ATF1: variants seen among roughly 807,000 people sequenced by gnomAD.
ATF1 encodes the protein activating transcription factor 1.
ATF1 carries 16 observed loss-of-function variants against 34.7 expected under a neutral mutation model. That is an observed-to-expected ratio of 0.46 (90% CI 0.31 to 0.70). The LOEUF is 0.70. ATF1 is among the 30% of genes least tolerant of loss of function. The probability of loss-of-function intolerance (pLI) is 0.05; values close to 1 mark genes in which losing one functional copy is unlikely to be tolerated. For missense variants in ATF1, 255 were observed against 321.6 expected (o/e 0.79, Z 1.58); for synonymous variants, 105 against 113.1 (o/e 0.93, Z 0.46).
rs183218849 is a variant in ATF1 at position 50,773,156 on chromosome 12, C to T, written c.-6-6984C>T. On this transcript the variant is annotated intron_variant, in intron 1 of 6. Transcript: ENST00000262053. ...GATATATATGTACATGTTCTTTATC[C>T]AGTCTCTCATTGATGGGCATATGGG... is the stretch of plus-strand genomic sequence containing the variant. 1.9e-3 allele frequency among the ~76,000 whole-genome samples: 294 copies of T among 152,192 alleles called. 1 individual carries two copies. Among genetic ancestry groups the T allele is most frequent in the African/African-American group, 6.9e-3 (288 of 41,524 alleles).
intron 1 of ATF1, among the ~76,000 whole-genome samples, chr12:50,769,190 T>C (rs995783250): frequency 6.6e-6 from 1 of 152,146 alleles, no homozygotes; most frequent in African/African-American, 2.4e-5. Context: ...TGTGGGGTTT[T>C]TTGGCTAAAG....
At chr12:50,768,255 C>G (rs1029963020) in intron 1 of ATF1, among the ~76,000 whole-genome samples, 1 of 152,182 alleles carries the variant, frequency 6.6e-6, no homozygotes, top group African/African-American at 2.4e-5. Context: ...ATCTGCATGA[C>G]TTTGTCTATT....
chr12:50,769,399 G>A (rs968813063), intron 1 of ATF1, among the ~76,000 whole-genome samples: 5 of 151,936 alleles, frequency 3.3e-5, no homozygotes, highest in South Asian at 2.1e-4. Context: ...ACAGCTACTC[G>A]AGGCTGAGGC....
At chr12:50,809,736 C>T in intron 4 of ATF1, 147 bp downstream of exon 4, 1 of 906,994 alleles carries the variant, frequency 1.1e-6, no homozygotes, top group East Asian at 2.7e-5. Context: ...AGTACTGTTT[C>T]AGCATTATTT....
intron 2 of ATF1, 56 bp from the exon 3 acceptor site, chr12:50,795,853 A>C (rs1314321695): frequency 2.2e-6 from 3 of 1,350,842 alleles, no homozygotes; most frequent in African/African-American, 1.5e-5. Flanking sequence ...GTAAAAATTC[A>C]GTTGTTTCTT....
At chr12:50,795,484 A>G (rs1941390659) in intron 2 of ATF1, among the ~76,000 whole-genome samples, 1 of 152,346 alleles carries the variant, frequency 6.6e-6, no homozygotes, top group Admixed American at 6.5e-5. Flanking sequence ...ACAGGCTTGT[A>G]TATTTAATAT....
chr12:50,778,766 T>G (rs1035605288), intron 1 of ATF1, among the ~76,000 whole-genome samples: 3 of 152,242 alleles, frequency 2.0e-5, no homozygotes, highest in Admixed American at 6.5e-5. Flanking sequence ...TTTTTTTGTA[T>G]TTTAGTAGAA....
rs150427556 is a variant in ATF1 at position 50,806,966 on chromosome 12, G to A, written c.195-2490G>A. On this transcript the variant is annotated intron_variant, in intron 3 of 6. Transcript: ENST00000262053. ...CAGTTGTATTAGCTCTTGGTGGGAC[G>A]ACAGTCCACAGAAAGGAGACAAACT... is the stretch of plus-strand genomic sequence containing the variant. Among the ~76,000 whole-genome samples the A allele has an allele frequency of 6.2e-4, 95 of 152,294 alleles. 1 individual carries two copies. The highest frequency in any genetic ancestry group is 1.0e-3 in the Admixed American group (16 of 15,294).
chr12:50,781,114 A>G (rs182148722), intron 2 of ATF1, among the ~76,000 whole-genome samples: 1 of 152,274 alleles, frequency 6.6e-6, no homozygotes, highest in Non-Finnish European at 1.5e-5. Flanking sequence ...ATCTCTCAGT[A>G]TCTGTGGGAG....
At chr12:50,795,852 C>T in intron 2 of ATF1, 57 bp from the exon 3 acceptor site, 3 of 1,343,744 alleles carry the variant, frequency 2.2e-6, no homozygotes, top group Non-Finnish European at 2.1e-6. Flanking sequence ...AGTAAAAATT[C>T]AGTTGTTTCT....
intron 3 of ATF1, chr12:50,806,483 T>C (rs2139684540): frequency 7.0e-6 from 2 of 285,406 alleles, no homozygotes; most frequent in East Asian, 8.4e-5. Flanking sequence ...AGCAGATCCA[T>C]GGGGCTCAGG....
At chr12:50,813,820 GAA>G (rs5798153) in intron 4 of ATF1, among the ~76,000 whole-genome samples, 188 bp from the exon 5 acceptor site, 1,519 of 148,740 alleles carry the variant, frequency 0.01, 19 homozygotes, top group Non-Finnish European at 0.017. Context: ...TCTCAAAAAA[GAA>G]AAAAAAAAAA....
intron 3 of ATF1, among the ~76,000 whole-genome samples, chr12:50,803,280 A>AG (rs1941551163): frequency 6.6e-6 from 1 of 151,784 alleles, no homozygotes; most frequent in African/African-American, 2.4e-5. Context: ...AAAAAAAAAA[A>AG]GCAAGGGATT....
chr12:50,807,914 A>G (rs920497452), intron 3 of ATF1, among the ~76,000 whole-genome samples: 7 of 151,642 alleles, frequency 4.6e-5, no homozygotes, highest in South Asian at 2.1e-4. Context: ...GGTTCAAGCA[A>G]TTCTCCTGCC....
intron 1 of ATF1, among the ~76,000 whole-genome samples, chr12:50,771,638 C>G (rs1940773790): frequency 6.6e-6 from 1 of 152,118 alleles, no homozygotes; most frequent in Admixed American, 6.6e-5. Flanking sequence ...GCAACTCCAT[C>G]TTAAACAGGC....
rs79112127 is a variant in ATF1 at position 50,782,169 on chromosome 12, A to G, written c.93+1931A>G. ...AGATTTTCTTCATATAATTCAACCA[A>G]AACAATGTATGATAACATAATTAAT... On this transcript the variant is annotated intron_variant, in intron 2 of 6. Coordinates refer to ENST00000262053, the MANE Select transcript of ATF1 (RefSeq NM_005171.5). 4.3e-4 allele frequency among the ~76,000 whole-genome samples: 66 copies of G among 152,300 alleles called. No individual in the cohort carries two copies. In the East Asian group the frequency reaches 0.011, roughly 25 times the overall value.
intron 3 of ATF1, among the ~76,000 whole-genome samples, chr12:50,802,180 A>G (rs1377087998): frequency 1.3e-5 from 2 of 152,238 alleles, no homozygotes; most frequent in African/African-American, 2.4e-5. Context: ...TTAAAATTAA[A>G]TTTATAAATT....
At chr12:50,819,565 C>A in intron 6 of ATF1, 70 bp from the exon 7 acceptor site, 1 of 1,536,910 alleles carries the variant, frequency 6.5e-7, no homozygotes, top group Non-Finnish European at 8.9e-7. Flanking sequence ...CGGAAAATTA[C>A]TGAAGAACAT....
chr12:50,785,839 C>T (rs1044700242), intron 2 of ATF1, among the ~76,000 whole-genome samples: 1 of 152,162 alleles, frequency 6.6e-6, no homozygotes, highest in Non-Finnish European at 1.5e-5. Flanking sequence ...CAGCCTGCTT[C>T]AAGTCCAGCA....
Sources: allele counts gnomAD v4.1 joint callset (sites outside exome capture counted in the v4.1 genomes callset), GRCh38; gene constraint gnomAD v4.1.1; transcripts MANE v1.5; gene names NCBI Gene and HGNC (gene_info 2026-07-23, HGNC 2026-07-21).